Variants in RGS7 observed in about 807,000 individuals in gnomAD.
RGS7 encodes regulator of G protein signaling 7.
In RGS7, 27 loss-of-function variants were observed where a neutral mutation model predicts 81.1. The observed-to-expected ratio is 0.33, with a 90% CI of 0.25 to 0.46. The LOEUF is 0.46. RGS7 is among the 20% of genes least tolerant of loss of function. The pLI, the probability that RGS7 is intolerant of heterozygous loss-of-function variation, is 1.00. For synonymous variants in RGS7, 208 were observed against 207.7 expected, an observed-to-expected ratio of 1.00 and a Z score of -0.01; for missense variants, 396 against 607.4, an observed-to-expected ratio of 0.65 and a Z score of 3.66.
chr1:241,300,596 CTCATT>C (rs555992304), intron 2 of RGS7, among the ~76,000 whole-genome samples: 285 of 152,352 alleles, frequency 1.9e-3, no homozygotes, highest in African/African-American at 6.7e-3. Context: ...AGCTTGACAG[CTCATT>C]TCATTTTAGC....
chr1:241,157,340 G>A (rs927864622), intron 2 of RGS7, among the ~76,000 whole-genome samples: 3 of 152,186 alleles, frequency 2.0e-5, no homozygotes, highest in South Asian at 2.1e-4. Flanking sequence ...CTGTTTCAGT[G>A]AACGGGGAGA....
intron 2 of RGS7, among the ~76,000 whole-genome samples, chr1:241,311,665 GT>G (rs1220852592): frequency 1.3e-5 from 2 of 152,174 alleles, no homozygotes; most frequent in South Asian, 2.1e-4. Context: ...GCTGGGTGCA[GT>G]TTTTTTCATT....
At chr1:240,832,747 C>T (rs1572319823) in intron 9 of RGS7, among the ~76,000 whole-genome samples, 1 of 152,132 alleles carries the variant, frequency 6.6e-6, no homozygotes, top group Non-Finnish European at 1.5e-5. Context: ...CCTGGGAGAA[C>T]AGTGTCCTAA....
intron 18 of RGS7, among the ~76,000 whole-genome samples, chr1:240,797,987 T>C (rs989848692): frequency 2.0e-4 from 30 of 152,296 alleles, no homozygotes; most frequent in Admixed American, 1.8e-3. Flanking sequence ...GAATAATCTA[T>C]GAAGAGTAAT....
At position 241,259,650 on chromosome 1, in the gene RGS7, C is replaced by CAAA. The variant is rs71571832; in HGVS notation, c.78+96046_78+96048dup. On this transcript the variant is annotated intron_variant, in intron 2 of 18. Coordinates refer to ENST00000440928, the MANE Select transcript of RGS7 (RefSeq NM_001364886.1). ...GGACAACAAGAGCGAAACTCCGTCT[C>CAAA]AAAAAAAAAAAAAAAAAATATATAT... Among the ~76,000 whole-genome samples the CAAA allele has an allele frequency of 4.3e-4, 17 of 39,874 alleles. 1 individual carries two copies. Among genetic ancestry groups the CAAA allele is most frequent in the African/African-American group, 1.7e-3 (14 of 8,194 alleles). The allele number at this position is 39,874 out of a possible 152,430, so 26.2% of individuals were successfully genotyped here. A position where few individuals can be genotyped will look rare whatever the true frequency, so the allele number is the denominator to read the frequency against.
chr1:240,840,070 T>C (rs1260497536), intron 9 of RGS7, among the ~76,000 whole-genome samples: 2 of 152,182 alleles, frequency 1.3e-5, no homozygotes, highest in Non-Finnish European at 2.9e-5. Context: ...ATCTGGACTA[T>C]CACAACAGCC....
chr1:241,124,534 G>C (rs1013040000), intron 2 of RGS7, among the ~76,000 whole-genome samples: 1 of 152,378 alleles, frequency 6.6e-6, no homozygotes, highest in East Asian at 1.9e-4. Flanking sequence ...GGCTGGGATA[G>C]AGGGTTAGGG....
chr1:241,267,417 T>C (rs997869628), intron 2 of RGS7, among the ~76,000 whole-genome samples: 1 of 152,238 alleles, frequency 6.6e-6, no homozygotes, highest in African/African-American at 2.4e-5. Context: ...GTGCTTTGTT[T>C]GGACTTATTT....
chr1:240,935,181 A>C (rs1036721214), intron 5 of RGS7, among the ~76,000 whole-genome samples: 3 of 152,008 alleles, frequency 2.0e-5, no homozygotes, highest in Non-Finnish European at 4.4e-5. Flanking sequence ...TACAGGCATG[A>C]GCCACTGTGC....
At chr1:241,295,681 T>C (rs1180262533) in intron 2 of RGS7, among the ~76,000 whole-genome samples, 2 of 152,186 alleles carry the variant, frequency 1.3e-5, no homozygotes, top group African/African-American at 2.4e-5. Flanking sequence ...TAGCACATAT[T>C]TTGAATTAGA....
chr1:241,192,665 G>T lies in RGS7; in HGVS notation c.79-93903C>A, dbSNP rs180759789. 8.3e-4 allele frequency among the ~76,000 whole-genome samples: 126 copies of T among 152,050 alleles called. 1 individual carries two copies. Among genetic ancestry groups the T allele is most frequent in the African/African-American group, 2.7e-3 (114 of 41,480 alleles). On this transcript the variant is annotated intron_variant, in intron 2 of 18. Coordinates refer to ENST00000440928, the MANE Select transcript of RGS7 (RefSeq NM_001364886.1). Reference sequence around the variant, plus strand: ...CTTTTCGTGACATTTTTCCTTGGTGGGCCAATCTGCTATTCCCCATCAGAA... The same window carrying T: ...CTTTTCGTGACATTTTTCCTTGGTGTGCCAATCTGCTATTCCCCATCAGAA...
At chr1:240,811,460 G>A (rs1689836924) in intron 14 of RGS7, among the ~76,000 whole-genome samples, 1 of 152,232 alleles carries the variant, frequency 6.6e-6, no homozygotes, top group Non-Finnish European at 1.5e-5. Flanking sequence ...CAAAGAGAAT[G>A]AGACAGCCCA....
intron 2 of RGS7, among the ~76,000 whole-genome samples, chr1:241,116,613 A>T (rs1236455970): frequency 6.6e-6 from 1 of 152,226 alleles, no homozygotes; most frequent in Non-Finnish European, 1.5e-5. Context: ...ATATACTAAT[A>T]AAGTAAAATT....
intron 18 of RGS7, among the ~76,000 whole-genome samples, chr1:240,784,438 A>C (rs1233233694): frequency 1.3e-5 from 2 of 151,912 alleles, no homozygotes; most frequent in East Asian, 3.9e-4. Flanking sequence ...CAGGAGATTG[A>C]GACCATCCTG....
At chr1:241,295,882 G>C (rs2079393056) in intron 2 of RGS7, among the ~76,000 whole-genome samples, 1 of 152,208 alleles carries the variant, frequency 6.6e-6, no homozygotes, top group Non-Finnish European at 1.5e-5. Flanking sequence ...CTCAGCCAAT[G>C]GTTGGGTATA....
chr1:241,352,685 CAG>C (rs1210014361), intron 2 of RGS7, among the ~76,000 whole-genome samples: 1 of 152,198 alleles, frequency 6.6e-6, no homozygotes, highest in African/African-American at 2.4e-5. Context: ...CCTTAACAAT[CAG>C]AGTTTTATCC....
intron 18 of RGS7, among the ~76,000 whole-genome samples, chr1:240,793,611 A>ATATATATATATTTT: frequency 7.6e-5 from 6 of 78,808 alleles, no homozygotes; most frequent in African/African-American, 4.9e-4. Flanking sequence ...ATATATATAT[A>ATATATATATATTTT]TTTTTTTTTT....
rs951260435 is a variant in RGS7, at chr1:241,002,194, C to G, written c.176-19065G>C. On this transcript the variant is annotated intron_variant, in intron 3 of 18. Coordinates refer to ENST00000440928, the MANE Select transcript of RGS7 (RefSeq NM_001364886.1). Reference sequence around the variant, plus strand: ...CGGCGGGATGGCTCATGCTGGTAATCCCAGCACTTTGGGAGGCCGAGGCGG... The same window carrying G: ...CGGCGGGATGGCTCATGCTGGTAATGCCAGCACTTTGGGAGGCCGAGGCGG... Among the ~76,000 whole-genome samples, 2 of 152,178 alleles carry G rather than the reference C, an allele frequency of 1.3e-5. 1 individual carries two copies.
intron 18 of RGS7, among the ~76,000 whole-genome samples, chr1:240,784,202 A>C (rs1157726061): frequency 2.2e-5 from 3 of 134,942 alleles, no homozygotes; most frequent in Admixed American, 7.0e-5. Context: ...AAAAAACAAA[A>C]AAACAAAACA....
Sources: gnomAD v4.1 joint callset for allele counts (sites outside exome capture counted in the v4.1 genomes callset) on GRCh38, gnomAD v4.1.1 for gene constraint, MANE v1.5 for transcripts, NCBI Gene and HGNC (gene_info 2026-07-23, HGNC 2026-07-21) for gene names.